Variants in KCNH5 observed in about 807,000 individuals in gnomAD.
KCNH5 encodes the protein voltage-gated delayed rectifier potassium channel KCNH5.
A neutral mutation model predicts 96.1 loss-of-function variants in KCNH5; 46 were observed. The observed-to-expected ratio is 0.48, with a 90% confidence interval of 0.38 to 0.61. The LOEUF (loss-of-function observed/expected upper bound fraction) is 0.61. Among genes scored for constraint, KCNH5 ranks in the 20% least tolerant of loss-of-function variants. KCNH5 has a pLI of 0.00. For synonymous variants in KCNH5, 439 were observed against 449.8 expected (o/e 0.98, Z 0.30); for missense variants, 907 against 1,225.8 (o/e 0.74, Z 3.88).
intron 5 of KCNH5, among the ~76,000 whole-genome samples, chr14:62,985,420 G>A (rs187855370): frequency 6.6e-6 from 1 of 152,114 alleles, no homozygotes; most frequent in Non-Finnish European, 1.5e-5. Context: ...TTTACGACAA[G>A]TTAAGAAAAT....
intron 9 of KCNH5, among the ~76,000 whole-genome samples, chr14:62,786,001 G>A (rs1157489724): frequency 1.3e-5 from 2 of 152,094 alleles, no homozygotes; most frequent in African/African-American, 4.8e-5. Context: ...GACCAGCCTG[G>A]CCAACATGGT....
chr14:62,823,121 T>C (rs1437074634), intron 8 of KCNH5, among the ~76,000 whole-genome samples: 2 of 152,050 alleles, frequency 1.3e-5, no homozygotes, highest in Non-Finnish European at 2.9e-5. Flanking sequence ...CACCCTCAAA[T>C]TGTGACCCTG....
rs1594641489 is a variant in KCNH5, at chr14:62,950,660, T to C, written c.943-101A>G. 3.1e-6 allele frequency: 3 copies of C among 971,176 alleles called. No homozygotes were observed. The East Asian group carries it at 8.0e-5, about 26-fold the overall frequency. The allele number at this position is 971,176 out of a possible 1,614,324, so 60.2% of individuals were successfully genotyped here. A position where few individuals can be genotyped will look rare whatever the true frequency, so the allele number is the denominator to read the frequency against. On this transcript the variant is annotated intron_variant, in intron 6 of 10. Transcript: ENST00000322893. The stretch of plus-strand genomic sequence containing the variant: ...CACCTTCATAAATTTAACCATCCAA[T>C]TATATATTAAGAACATATGTATATT...
intron 6 of KCNH5, among the ~76,000 whole-genome samples, chr14:62,967,017 G>T (rs1388867816): frequency 6.6e-6 from 1 of 152,034 alleles, no homozygotes; most frequent in South Asian, 2.1e-4. Flanking sequence ...AGGTTGTGTT[G>T]GTAATGTTTG....
At chr14:62,984,074 G>A (rs1194255355) in intron 5 of KCNH5, among the ~76,000 whole-genome samples, 1 of 152,040 alleles carries the variant, frequency 6.6e-6, no homozygotes, top group Non-Finnish European at 1.5e-5. Context: ...TCTGTTCCTG[G>A]GCTCTTTCAT....
At chr14:63,002,278 T>C (rs902542896) in intron 3 of KCNH5, among the ~76,000 whole-genome samples, 2 of 152,170 alleles carry the variant, frequency 1.3e-5, no homozygotes, top group African/African-American at 4.8e-5. Flanking sequence ...TCAAGGCTTA[T>C]CATTTGGATA....
intron 10 of KCNH5, among the ~76,000 whole-genome samples, chr14:62,771,858 A>G (rs1322214885): frequency 6.6e-6 from 1 of 152,176 alleles, no homozygotes; most frequent in African/African-American, 2.4e-5. Flanking sequence ...AGAGTCATGG[A>G]GTGAAAAGAC....
chr14:62,945,987 C>G (rs1004993664), intron 7 of KCNH5, among the ~76,000 whole-genome samples: 4 of 152,066 alleles, frequency 2.6e-5, no homozygotes, highest in Admixed American at 2.0e-4. Context: ...GGGATTTGAG[C>G]AGAGGAATGG....
intron 10 of KCNH5, among the ~76,000 whole-genome samples, chr14:62,713,934 A>T (rs1020560111): frequency 1.3e-5 from 2 of 152,210 alleles, no homozygotes; most frequent in Non-Finnish European, 2.9e-5. Flanking sequence ...GGTAATTATT[A>T]TACATTACCA....
At chr14:62,840,520 C>A (rs1034358917) in intron 8 of KCNH5, among the ~76,000 whole-genome samples, 4 of 135,394 alleles carry the variant, frequency 3.0e-5, no homozygotes, top group Admixed American at 7.3e-5. Flanking sequence ...TTTTTCTTTT[C>A]TGTTTTTTGT....
chr14:63,010,073 G>A (rs952321177), intron 2 of KCNH5, among the ~76,000 whole-genome samples: 5 of 151,998 alleles, frequency 3.3e-5, no homozygotes, highest in African/African-American at 1.2e-4. Flanking sequence ...ATGAACTACT[G>A]CACTGTTACT....
chr14:62,953,770 T>C (rs1284195029), intron 6 of KCNH5, among the ~76,000 whole-genome samples: 8 of 152,152 alleles, frequency 5.3e-5, no homozygotes, highest in Admixed American at 3.9e-4. Context: ...TGTTTGGTCA[T>C]GATTTCCTGG....
At chr14:63,042,005 AAAATGTTCTGGTAAATTTGT>A in intron 1 of KCNH5, among the ~76,000 whole-genome samples, 1 of 152,134 alleles carries the variant, frequency 6.6e-6, no homozygotes, top group Non-Finnish European at 1.5e-5. Flanking sequence ...CATCATCAAA[AAAATGTTCTGGTAAATTTGT>A]AACTGGCTGA....
At chr14:62,723,957 T>C (rs1393738391) in intron 10 of KCNH5, among the ~76,000 whole-genome samples, 1 of 152,180 alleles carries the variant, frequency 6.6e-6, no homozygotes, top group East Asian at 1.9e-4. Flanking sequence ...ATCTAGATTT[T>C]CTAACTTTCC....
At chr14:62,788,612 T>C (rs1024689259) in intron 9 of KCNH5, among the ~76,000 whole-genome samples, 16 of 152,106 alleles carry the variant, frequency 1.1e-4, no homozygotes, top group African/African-American at 3.9e-4. Context: ...GAAGAGTCAA[T>C]TGATGCAGTA....
At chr14:62,726,611 GAAA>G (rs201993660) in intron 10 of KCNH5, among the ~76,000 whole-genome samples, 4 of 144,444 alleles carry the variant, frequency 2.8e-5, no homozygotes, top group Non-Finnish European at 6.1e-5. Context: ...TGGCTAAAAT[GAAA>G]AAAAAAAATA....
chr14:62,855,195 G>A (rs763889135), intron 7 of KCNH5, among the ~76,000 whole-genome samples: 2 of 152,040 alleles, frequency 1.3e-5, no homozygotes, highest in Admixed American at 6.5e-5. Flanking sequence ...GCTAAGCACT[G>A]GCCATAGCTG....
chr14:62,742,414 C>A (rs1274035587), intron 10 of KCNH5, among the ~76,000 whole-genome samples: 1 of 152,072 alleles, frequency 6.6e-6, no homozygotes, highest in Middle Eastern at 3.2e-3. Flanking sequence ...CCAGGTGATT[C>A]TTGTGTACAG....
chr14:62,922,847 G>A (rs563394636), intron 7 of KCNH5, among the ~76,000 whole-genome samples: 1 of 151,784 alleles, frequency 6.6e-6, no homozygotes, highest in African/African-American at 2.4e-5. Context: ...TATATTCAAC[G>A]GTGAAAAGCT....
Sources: gnomAD v4.1 joint callset for allele counts (sites outside exome capture counted in the v4.1 genomes callset) on GRCh38, gnomAD v4.1.1 for gene constraint, MANE v1.5 for transcripts, NCBI Gene and HGNC (gene_info 2026-07-23, HGNC 2026-07-21) for gene names.